CSMD1: variants seen among roughly 807,000 people sequenced by gnomAD.
CSMD1 encodes CUB and sushi domain-containing protein 1.
CSMD1 carries 213 observed loss-of-function variants against 417.5 expected under a neutral mutation model. The observed-to-expected ratio is 0.51, with a 90% CI of 0.46 to 0.57. The LOEUF is 0.57. CSMD1 is among the 20% of genes least tolerant of loss of function. CSMD1 has a pLI of 0.00. For synonymous variants in CSMD1, 2,862 were observed against 1,736.8 expected, an observed-to-expected ratio of 1.65 and a Z score of -16.11; for missense variants, 6,923 against 4,529.7, an observed-to-expected ratio of 1.53 and a Z score of -15.17.
chr8:4,421,499 A>G (rs1797246258), intron 2 of CSMD1, among the ~76,000 whole-genome samples: 1 of 152,168 alleles, frequency 6.6e-6, no homozygotes, highest in African/African-American at 2.4e-5. Context: ...CTGACCACAC[A>G]GTGGAATCAA....
intron 3 of CSMD1, among the ~76,000 whole-genome samples, chr8:4,402,924 A>T (rs1271830798): frequency 7.2e-6 from 1 of 139,176 alleles, no homozygotes; most frequent in Non-Finnish European, 1.5e-5. Context: ...GGTTCATGCC[A>T]TTCTCCTGTC....
intron 1 of CSMD1, among the ~76,000 whole-genome samples, chr8:4,833,054 G>T (rs1009446427): frequency 2.6e-5 from 4 of 152,124 alleles, no homozygotes; most frequent in African/African-American, 9.7e-5. Flanking sequence ...ATCTTATGCG[G>T]AAAGTATATA....
At chr8:4,651,794 G>A (rs1339578517) in intron 1 of CSMD1, among the ~76,000 whole-genome samples, 1 of 152,126 alleles carries the variant, frequency 6.6e-6, no homozygotes, top group Non-Finnish European at 1.5e-5. Flanking sequence ...GTGATTATTA[G>A]GGGTGACCTA....
At chr8:3,302,662 G>C (rs1182698378) in intron 25 of CSMD1, among the ~76,000 whole-genome samples, 1 of 152,202 alleles carries the variant, frequency 6.6e-6, no homozygotes, top group Non-Finnish European at 1.5e-5. Flanking sequence ...CCTGTGAGCA[G>C]TCACCAGCAG....
At chr8:3,763,435 T>A (rs1023085255) in intron 5 of CSMD1, among the ~76,000 whole-genome samples, 27 of 152,038 alleles carry the variant, frequency 1.8e-4, no homozygotes, top group African/African-American at 6.5e-4. Context: ...GCTGGTTGTT[T>A]AAAAGAGCCT....
chr8:3,072,584 C>G (rs1216817754), intron 49 of CSMD1, among the ~76,000 whole-genome samples: 1 of 152,164 alleles, frequency 6.6e-6, no homozygotes, highest in African/African-American at 2.4e-5. Flanking sequence ...GCCTGGGTTT[C>G]CAGCCCAAAT....
intron 47 of CSMD1, among the ~76,000 whole-genome samples, chr8:3,093,439 A>G (rs1815088770): frequency 6.6e-6 from 1 of 152,060 alleles, no homozygotes; most frequent in South Asian, 2.1e-4. Flanking sequence ...GGTAGAGGCG[A>G]GTGGATCGCC....
chr8:4,860,288 C>T (rs1222792246), intron 1 of CSMD1, among the ~76,000 whole-genome samples: 1 of 149,966 alleles, frequency 6.7e-6, no homozygotes, highest in East Asian at 2.0e-4. Flanking sequence ...GGAGGGATAG[C>T]ATTAGGAGAT....
intron 12 of CSMD1, among the ~76,000 whole-genome samples, chr8:3,432,653 C>A (rs9314488): frequency 0.22 from 32,676 of 151,614 alleles, 3,653 homozygotes; most frequent in East Asian, 0.31. Context: ...GTAGCTGGGA[C>A]TACAGGCGTG....
In CSMD1 at chr8:4,023,876, C is replaced by A. The variant is rs1450162358; in HGVS notation, c.610+8029G>T. On this transcript the variant is annotated intron_variant, in intron 4 of 69. Transcript: ENST00000635120. ...TCGGGATCTGCCCGCCTTGGCCTCCCAAAGTGCTGGGATTACAGGCGTGAG... is the reference window on the plus strand; with the variant it reads ...TCGGGATCTGCCCGCCTTGGCCTCCAAAAGTGCTGGGATTACAGGCGTGAG... Among the ~76,000 whole-genome samples the A allele has an allele frequency of 2.1e-5, 3 of 145,018 alleles. No individual in the cohort carries two copies. In the East Asian group the frequency reaches 6.2e-4, roughly 30 times the overall value.
chr8:4,449,164 G>C (rs114495795), intron 2 of CSMD1, among the ~76,000 whole-genome samples: 6 of 152,238 alleles, frequency 3.9e-5, no homozygotes, highest in East Asian at 3.9e-4. Flanking sequence ...TAGCAATATA[G>C]ATCACTCAAA....
intron 1 of CSMD1, among the ~76,000 whole-genome samples, chr8:4,987,537 G>A (rs1234367997): frequency 6.6e-6 from 1 of 151,980 alleles, no homozygotes; most frequent in African/African-American, 2.4e-5. Flanking sequence ...ATTTCATTGA[G>A]GTTGAAGCTC....
chr8:3,000,284 G>C (rs940526564), intron 52 of CSMD1, among the ~76,000 whole-genome samples, 153 bp from the exon 53 acceptor site: 26 of 150,478 alleles, frequency 1.7e-4, no homozygotes, highest in East Asian at 2.0e-4. Flanking sequence ...TTTAAATATA[G>C]TTTTTCTTTT....
At chr8:3,459,226 G>C (rs964367939) in intron 12 of CSMD1, among the ~76,000 whole-genome samples, 1 of 152,194 alleles carries the variant, frequency 6.6e-6, no homozygotes, top group South Asian at 2.1e-4. Context: ...TGGGGCACAC[G>C]GGAGCCACAG....
chr8:3,256,313 A>AG (rs1800649058), intron 26 of CSMD1, among the ~76,000 whole-genome samples: 1 of 120,398 alleles, frequency 8.3e-6, no homozygotes, highest in Non-Finnish European at 1.9e-5. Flanking sequence ...TCTCAAGAAA[A>AG]AAAAAAAAAA....
At chr8:3,037,261 A>G (rs148426577) in intron 50 of CSMD1, among the ~76,000 whole-genome samples, 12,119 of 148,000 alleles carry the variant, frequency 0.082, 1,694 homozygotes, top group African/African-American at 0.29. Context: ...GCTGGAGTGC[A>G]GTGGCGGGAT....
At chr8:4,498,671 G>A (rs1403663893) in intron 2 of CSMD1, among the ~76,000 whole-genome samples, 2 of 152,182 alleles carry the variant, frequency 1.3e-5, no homozygotes, top group African/African-American at 4.8e-5. Context: ...GGGAGCTCAT[G>A]TTTATCGAGT....
At chr8:4,592,453 C>G (rs1250268879) in intron 2 of CSMD1, among the ~76,000 whole-genome samples, 2 of 151,952 alleles carry the variant, frequency 1.3e-5, no homozygotes, top group African/African-American at 4.8e-5. Flanking sequence ...GTGGCATGAC[C>G]TTGACTCACT....
At chr8:4,076,771 T>G (rs924369720) in intron 3 of CSMD1, among the ~76,000 whole-genome samples, 4 of 152,196 alleles carry the variant, frequency 2.6e-5, no homozygotes, top group Admixed American at 2.6e-4. Flanking sequence ...CATTTCAGGC[T>G]CTGAACAACA....
Sources: gnomAD v4.1 joint callset for allele counts (sites outside exome capture counted in the v4.1 genomes callset) on GRCh38, gnomAD v4.1.1 for gene constraint, MANE v1.5 for transcripts, NCBI Gene and HGNC (gene_info 2026-07-23, HGNC 2026-07-21) for gene names.